Variants in PRKDC observed in about 807,000 individuals in gnomAD.
The protein encoded by PRKDC is DNA-dependent protein kinase catalytic subunit.
A neutral mutation model predicts 486.9 loss-of-function variants in PRKDC; 82 were observed. The ratio of observed to expected loss-of-function variants is 0.17; its 90% CI spans 0.14 to 0.20. The LOEUF (loss-of-function observed/expected upper bound fraction) is 0.20, where lower values mean the gene tolerates loss of function less well. Ranked by LOEUF, PRKDC falls within the 10% of genes least tolerant of loss-of-function variation. PRKDC has a pLI of 1.00. For missense variants in PRKDC, 4,504 were observed against 5,038.2 expected (o/e 0.89, Z 3.21); for synonymous variants, 1,895 against 1,837.0 (o/e 1.03, Z -0.81).
At position 47,902,711 on chromosome 8, in the gene PRKDC, G is replaced by C; in HGVS notation, c.3127C>G (p.Gln1043Glu). Residue 1043 changes from glutamine (Q) to glutamate (E), a missense_variant, in exon 27 of 86, where the codon CAA becomes GAA. Physicochemically the swap from Gln to Glu is conservative, Grantham distance 29 (BLOSUM62 2). Transcript: ENST00000314191. ...IREFLKWSIK[Q>E]ITPQQQEKSP... is the part of the protein sequence containing the mutation. ...TTCTCCTGCTGCTGTGGTGTTATTT[G>C]CTTAATGGACCATTTAAGGAATTCT... 6.2e-7 allele frequency: 1 copy of C among 1,613,856 alleles called. No individual in the cohort carries two copies. Among genetic ancestry groups the C allele is most frequent in the Non-Finnish European group, 8.5e-7 (1 of 1,179,826 alleles).
intron 52 of PRKDC, among the ~76,000 whole-genome samples, 155 bp from the exon 53 acceptor site, chr8:47,849,658 TCTG>T (rs1297559790): frequency 6.6e-6 from 1 of 152,212 alleles, no homozygotes; most frequent in Non-Finnish European, 1.5e-5. Flanking sequence ...GCTGGGGATG[TCTG>T]CTGGTCTACA....
chr8:47,865,455 A>G (rs1425688268), intron 40 of PRKDC, among the ~76,000 whole-genome samples: 2 of 152,024 alleles, frequency 1.3e-5, no homozygotes, highest in Admixed American at 6.6e-5. Context: ...CACCATTGCT[A>G]TTTCCCAAAC....
chr8:47,902,046 C>A (rs1376877558), intron 27 of PRKDC, among the ~76,000 whole-genome samples: 6 of 152,192 alleles, frequency 3.9e-5, no homozygotes, highest in Non-Finnish European at 8.8e-5. Context: ...TCCTCTGTCA[C>A]TAGCGGTGAC....
At position 47,957,275 on chromosome 8, in the gene PRKDC, G is replaced by A. The variant is rs573240788; in HGVS notation, c.232-12C>T. On this transcript the variant is annotated splice_polypyrimidine_tract_variant and intron_variant, in intron 2 of 85. Transcript: ENST00000314191. ...CTACATTCACGAAACTGTAATGAAAGAGATACATATTGTAAATATGGGTAA... is the reference window on the plus strand; with the variant it reads ...CTACATTCACGAAACTGTAATGAAAAAGATACATATTGTAAATATGGGTAA... The A allele has an allele frequency of 8.8e-6, 14 of 1,585,856 alleles. No individual in the cohort carries two copies. In the African/African-American group the frequency reaches 1.5e-4, roughly 17 times the overall value.
chr8:47,796,977 T>A (rs759375152), intron 73 of PRKDC, among the ~76,000 whole-genome samples: 5 of 152,238 alleles, frequency 3.3e-5, no homozygotes, highest in Non-Finnish European at 7.3e-5. Flanking sequence ...GGTTTTTGTC[T>A]CTTCATTCCA....
rs8178148 is a variant in PRKDC at position 47,858,740 on chromosome 8, T to C, written c.6346-105A>G. ...AAAGTAAGACATGAACAAAAAAAAATCACATTTATTTGATAAGCAGTTTGG... is the reference window on the plus strand; with the variant it reads ...AAAGTAAGACATGAACAAAAAAAAACCACATTTATTTGATAAGCAGTTTGG... On this transcript the variant is annotated intron_variant, in intron 47 of 85. Coordinates refer to ENST00000314191, the MANE Select transcript of PRKDC (RefSeq NM_006904.7). 12,030 of 1,458,958 alleles carry C rather than the reference T, an allele frequency of 8.2e-3. 876 individuals carry two copies. The Admixed American group carries it at 0.18, about 21-fold the overall frequency. The allele number at this position is 1,458,958 out of a possible 1,614,324, so 90.4% of individuals were successfully genotyped here.
rs1163001768 is a variant in PRKDC, at chr8:47,855,318, T to C, written c.6665A>G (p.His2222Arg). 2 of 1,600,856 alleles carry C rather than the reference T, an allele frequency of 1.2e-6. No individual in the cohort carries two copies. The highest frequency in any genetic ancestry group is 8.5e-7 in the Non-Finnish European group (1 of 1,172,690). Residue 2222 changes from histidine to arginine, a missense_variant, in exon 50 of 86, where the codon CAT becomes CGT. His to Arg is a conservative substitution (Grantham distance 29, BLOSUM62 0). This residue lies in a region of PRKDC where 1,592 missense variants were observed against 1,724.6 expected (regional missense o/e 0.92). Transcript: ENST00000314191. ...ANRLLNFLMK[H>R]VFHPKRAVFR... ...CACAGCTCTTTTTGGATGAAAGACA[T>C]GTTTCATTAGGAAATTAAGCAATCG...
intron 59 of PRKDC, 59 bp downstream of exon 59, chr8:47,834,137 G>A: frequency 1.3e-6 from 2 of 1,584,646 alleles, no homozygotes; most frequent in Admixed American, 1.7e-5. Flanking sequence ...CCCCAGACCT[G>A]AGCTCTGCAG....
intron 21 of PRKDC, among the ~76,000 whole-genome samples, chr8:47,921,144 AC>A (rs1456775007): frequency 6.6e-6 from 1 of 151,996 alleles, no homozygotes; most frequent in Non-Finnish European, 1.5e-5. Flanking sequence ...ATTCCCAGCT[AC>A]TCGGGAGGCT....
At chr8:47,929,749 G>A (rs936287797) in intron 18 of PRKDC, 104 bp downstream of exon 18, 1 of 1,209,818 alleles carries the variant, frequency 8.3e-7, no homozygotes, top group South Asian at 1.9e-5. Flanking sequence ...AAAATTAGTA[G>A]ACTTTAAAAC....
At chr8:47,792,750 A>G (rs2086903464) in intron 74 of PRKDC, among the ~76,000 whole-genome samples, 1 of 152,204 alleles carries the variant, frequency 6.6e-6, no homozygotes, top group Non-Finnish European at 1.5e-5. Context: ...CTATGTACCC[A>G]TAAAAATTAA....
Position 47,886,034 on chromosome 8 carries a change from C to A in PRKDC, c.4686G>T (p.Leu1562Phe). 1 of 1,613,818 alleles carries A rather than the reference C, an allele frequency of 6.2e-7. No homozygotes were observed. The highest frequency in any genetic ancestry group is 1.1e-5 in the South Asian group (1 of 91,080). The change falls in exon 36 of 86, where the codon TTG (leucine) becomes TTT (phenylalanine). Residue 1562 changes from leucine (L) to phenylalanine (F), a missense_variant. Leu to Phe is a conservative substitution (Grantham distance 22). Transcript: ENST00000314191. ...ATTCCGTGTTGATCGTTTCTGAGAA[C>A]AAGCTATAGAAATACTCCCCATGGG... ...HFSHGEYFYS[L>F]FSETINTELL... is the part of the protein sequence containing the mutation.
At chr8:47,874,379 A>C (rs1448231688) in intron 40 of PRKDC, among the ~76,000 whole-genome samples, 6 of 152,226 alleles carry the variant, frequency 3.9e-5, no homozygotes, top group Admixed American at 3.9e-4. Context: ...TCAAAGTGTG[A>C]TTATTACACA....
Position 47,881,416 on chromosome 8 carries a change from C to T in PRKDC, c.5067G>A (p.Lys1689=). 1 of 1,487,302 alleles carries T rather than the reference C, an allele frequency of 6.7e-7. No homozygotes were observed. The highest frequency in any genetic ancestry group is 9.3e-7 in the Non-Finnish European group (1 of 1,072,452). The allele number at this position is 1,487,302 out of a possible 1,614,324, so 92.1% of individuals were successfully genotyped here. A position where few individuals can be genotyped will look rare whatever the true frequency, so the allele number is the denominator to read the frequency against. ...AAAAAATAAATATTTCACTGTTTAC[C>T]TTTAAATGTAGATCCAGCTTTGTGT... ...LADTKLDLHL[K]GQAVTLLPFF... The change falls in exon 38 of 86, where the codon AAG becomes AAA. Residue 1689 remains lysine, a splice_region_variant and synonymous_variant. Coordinates refer to ENST00000314191, the MANE Select transcript of PRKDC (RefSeq NM_006904.7).
At chr8:47,839,049 A>G (rs962712298) in intron 56 of PRKDC, 99 bp downstream of exon 56, 54 of 875,086 alleles carry the variant, frequency 6.2e-5, no homozygotes, top group Non-Finnish European at 8.5e-5. Flanking sequence ...AAATGCTAAT[A>G]CTGCAAATAC....
intron 38 of PRKDC, among the ~76,000 whole-genome samples, chr8:47,879,863 C>CA (rs1442466132): frequency 2.8e-4 from 28 of 100,206 alleles, no homozygotes; most frequent in Admixed American, 1.4e-3. Flanking sequence ...TTTTTTGAGA[C>CA]AGAGTCTCAC....
intron 22 of PRKDC, among the ~76,000 whole-genome samples, chr8:47,915,697 G>GT (rs2089972882): frequency 1.3e-5 from 2 of 152,184 alleles, no homozygotes; most frequent in South Asian, 4.1e-4. Context: ...GTTATAAAAA[G>GT]TAACTATATT....
At chr8:47,865,490 C>G (rs1490783727) in intron 40 of PRKDC, among the ~76,000 whole-genome samples, 3 of 152,110 alleles carry the variant, frequency 2.0e-5, no homozygotes, top group African/African-American at 7.2e-5. Context: ...CTATCTGGTC[C>G]TTTATTTTCT....
chr8:47,957,347 C>A lies in PRKDC; in HGVS notation c.231+8G>T. 1 of 1,595,226 alleles carries A rather than the reference C, an allele frequency of 6.3e-7. No homozygotes were observed. Among genetic ancestry groups the A allele is most frequent in the South Asian group, 1.1e-5 (1 of 88,378 alleles). On this transcript the variant is annotated splice_region_variant and intron_variant, in intron 2 of 85. Coordinates refer to ENST00000314191, the MANE Select transcript of PRKDC (RefSeq NM_006904.7). ...ACAAGAAAAGCAAAACCAAAATTGT[C>A]AACTTACTTCAATACTGTTGAGTGA... is the stretch of plus-strand genomic sequence containing the variant.
Sources: allele counts gnomAD v4.1 joint callset (sites outside exome capture counted in the v4.1 genomes callset), GRCh38; gene constraint gnomAD v4.1.1; regional missense constraint gnomAD v4.1.1; transcripts MANE v1.5; gene names NCBI Gene and HGNC (gene_info 2026-07-23, HGNC 2026-07-21).